The following CREB5 variants were observed in gnomAD, a reference collection of about 807,000 sequenced individuals.
The protein encoded by CREB5 is cAMP responsive element binding protein 5.
A neutral mutation model predicts 57.1 loss-of-function variants in CREB5; 19 were observed. The ratio of observed to expected loss-of-function variants is 0.33; its 90% CI spans 0.23 to 0.49. CREB5 has a LOEUF of 0.49. Among genes scored for constraint, CREB5 ranks in the 20% least tolerant of loss-of-function variants. CREB5 has a pLI of 0.99. For synonymous variants in CREB5, 238 were observed against 238.3 expected, an observed-to-expected ratio of 1.00 and a Z score of 0.01; for missense variants, 579 against 671.6, an observed-to-expected ratio of 0.86 and a Z score of 1.52.
intron 1 of CREB5, among the ~76,000 whole-genome samples, chr7:28,385,266 C>G (rs1787064512): frequency 6.6e-6 from 1 of 151,732 alleles, no homozygotes; most frequent in Non-Finnish European, 1.5e-5. Context: ...CATATTTTTA[C>G]AAAAAAAAGA....
At chr7:28,654,407 G>T (rs1466683829) in intron 5 of CREB5, among the ~76,000 whole-genome samples, 1 of 152,136 alleles carries the variant, frequency 6.6e-6, no homozygotes, top group Non-Finnish European at 1.5e-5. Flanking sequence ...CTCGCAAATG[G>T]CACTGTTTAA....
At chr7:28,695,960 G>T (rs577846941) in intron 5 of CREB5, among the ~76,000 whole-genome samples, 1 of 152,070 alleles carries the variant, frequency 6.6e-6, no homozygotes, top group African/African-American at 2.4e-5. Flanking sequence ...GAGAGCAAAG[G>T]GTAATTCATA....
intron 5 of CREB5, among the ~76,000 whole-genome samples, chr7:28,694,272 A>G (rs573958438): frequency 6.6e-6 from 1 of 152,344 alleles, no homozygotes; most frequent in South Asian, 2.1e-4. Flanking sequence ...GTGTAAATGT[A>G]GTTGTAAATT....
At chr7:28,770,646 G>C (rs1330788330) in intron 7 of CREB5, among the ~76,000 whole-genome samples, 1 of 152,188 alleles carries the variant, frequency 6.6e-6, no homozygotes, top group African/African-American at 2.4e-5. Context: ...GCTATGAATT[G>C]ATCATCTAAT....
At chr7:28,496,778 C>A (rs1406834349) in intron 3 of CREB5, among the ~76,000 whole-genome samples, 1 of 145,518 alleles carries the variant, frequency 6.9e-6, no homozygotes, top group Non-Finnish European at 1.5e-5. Context: ...CTCGCCACCT[C>A]TCAGCCTCTG....
intron 1 of CREB5, among the ~76,000 whole-genome samples, chr7:28,351,884 A>G (rs1786194489): frequency 6.6e-6 from 1 of 152,240 alleles, no homozygotes; most frequent in African/African-American, 2.4e-5. Flanking sequence ...GTGATGAGTG[A>G]AAGGGACAAA....
At chr7:28,346,242 C>A (rs966794840) in intron 1 of CREB5, among the ~76,000 whole-genome samples, 3 of 152,192 alleles carry the variant, frequency 2.0e-5, no homozygotes, top group Non-Finnish European at 4.4e-5. Context: ...TTATAAACAA[C>A]AGACATTTAT....
chr7:28,420,980 T>A (rs977543223), intron 1 of CREB5, among the ~76,000 whole-genome samples: 1 of 151,876 alleles, frequency 6.6e-6, no homozygotes, highest in South Asian at 2.1e-4. Flanking sequence ...AATTTTTTTT[T>A]AATTTGCATT....
At chr7:28,698,345 A>G (rs1004670764) in intron 5 of CREB5, among the ~76,000 whole-genome samples, 1 of 87,114 alleles carries the variant, frequency 1.1e-5, no homozygotes, top group South Asian at 4.5e-4. Context: ...CCCAAACCCC[A>G]CTCCCCACCA....
intron 5 of CREB5, among the ~76,000 whole-genome samples, chr7:28,575,844 T>G (rs920209321): frequency 2.6e-5 from 4 of 152,172 alleles, no homozygotes; most frequent in African/African-American, 9.7e-5. Flanking sequence ...TTAAATCCCA[T>G]GCAGAGCCTT....
At chr7:28,311,178 C>T (rs988740656) in intron 1 of CREB5, among the ~76,000 whole-genome samples, 3 of 148,486 alleles carry the variant, frequency 2.0e-5, no homozygotes, top group Middle Eastern at 3.5e-3. Flanking sequence ...AATGCAAAAG[C>T]GGTTTTGTGA....
At chr7:28,360,951 C>A (rs1224965217) in intron 1 of CREB5, among the ~76,000 whole-genome samples, 1 of 151,952 alleles carries the variant, frequency 6.6e-6, no homozygotes, top group African/African-American at 2.4e-5. Context: ...TTAGTTGTAA[C>A]CACTGAGGGG....
intron 1 of CREB5, among the ~76,000 whole-genome samples, chr7:28,311,695 G>A (rs74772897): frequency 0.02 from 3,077 of 152,324 alleles, 70 homozygotes; most frequent in Admixed American, 0.056. Context: ...CCTGGGCGCT[G>A]GTCCTGGCTC....
chr7:28,538,623 ATT>A (rs1191941229), intron 4 of CREB5, among the ~76,000 whole-genome samples: 3 of 151,974 alleles, frequency 2.0e-5, no homozygotes, highest in African/African-American at 7.2e-5. Context: ...ATTTTTTATA[ATT>A]TCTACTTTCT....
At chr7:28,347,831 A>G (rs188376143) in intron 1 of CREB5, among the ~76,000 whole-genome samples, 27 of 152,304 alleles carry the variant, frequency 1.8e-4, no homozygotes, top group African/African-American at 6.3e-4. Context: ...GTTATTTCAT[A>G]GTTGCATCGA....
chr7:28,508,238 C>A (rs1792563573), intron 4 of CREB5, among the ~76,000 whole-genome samples: 1 of 152,202 alleles, frequency 6.6e-6, no homozygotes, highest in Non-Finnish European at 1.5e-5. Context: ...AACTGTGAAT[C>A]ATTTGTTCTT....
intron 7 of CREB5, among the ~76,000 whole-genome samples, chr7:28,768,035 T>C (rs1301553313): frequency 6.6e-6 from 1 of 152,230 alleles, no homozygotes; most frequent in Non-Finnish European, 1.5e-5. Context: ...AATTCTATCA[T>C]TTATAAAATC....
chr7:28,335,559 C>G (rs1174996777), intron 1 of CREB5, among the ~76,000 whole-genome samples: 1 of 151,982 alleles, frequency 6.6e-6, no homozygotes, highest in African/African-American at 2.4e-5. Context: ...TATCCTGCAA[C>G]TTTACTGAAT....
chr7:28,582,573 T>C, intron 5 of CREB5, among the ~76,000 whole-genome samples: 1 of 152,218 alleles, frequency 6.6e-6, no homozygotes, highest in Non-Finnish European at 1.5e-5. Context: ...AGTTGGGAGT[T>C]TTCCAAAGTC....
Sources: allele counts gnomAD v4.1 joint callset (sites outside exome capture counted in the v4.1 genomes callset), GRCh38; gene constraint gnomAD v4.1.1; transcripts MANE v1.5; gene names NCBI Gene and HGNC (gene_info 2026-07-23, HGNC 2026-07-21).